The following MGAT4C variants were observed in gnomAD, a reference collection of about 807,000 sequenced individuals.
MGAT4C encodes MGAT4 family member C, also known as alpha-1,3-mannosyl-glycoprotein 4-beta-N-acetylglucosaminyltransferase C.
Under a neutral mutation model 40.1 loss-of-function variants are expected in MGAT4C, and 19 were observed. The ratio of observed to expected loss-of-function variants is 0.47; its 90% CI spans 0.33 to 0.70. The LOEUF (loss-of-function observed/expected upper bound fraction) is 0.70. Ranked by LOEUF, MGAT4C falls within the 30% of genes least tolerant of loss-of-function variation. The pLI is 0.02. For synonymous variants in MGAT4C, 181 were observed against 187.1 expected (o/e 0.97, Z 0.27); for missense variants, 491 against 563.2 (o/e 0.87, Z 1.30).
At chr12:86,628,355 T>C (rs1459776691) in intron 2 of MGAT4C, among the ~76,000 whole-genome samples, 1 of 152,070 alleles carries the variant, frequency 6.6e-6, no homozygotes, top group Non-Finnish European at 1.5e-5. Context: ...TTCCCCAACC[T>C]AGCAAGTCAG....
At chr12:86,585,725 A>AT (rs113824217) in intron 2 of MGAT4C, among the ~76,000 whole-genome samples, 113,696 of 141,690 alleles carry the variant, frequency 0.8, 46,480 homozygotes, top group South Asian at 0.94. Context: ...TCCATGTTTT[A>AT]TTTTTTTTAA....
At chr12:86,128,609 A>G (rs1009604551) in intron 1 of MGAT4C, among the ~76,000 whole-genome samples, 2 of 152,182 alleles carry the variant, frequency 1.3e-5, no homozygotes, top group East Asian at 1.9e-4. Context: ...AGGCATGACT[A>G]TATATATCAA....
At chr12:86,793,593 C>T (rs558845735) in intron 1 of MGAT4C, among the ~76,000 whole-genome samples, 81 of 152,120 alleles carry the variant, frequency 5.3e-4, no homozygotes, top group Middle Eastern at 3.4e-3. Context: ...CACATATACT[C>T]TCACGCTCAT....
At chr12:86,799,993 C>A (rs1952197555) in intron 1 of MGAT4C, among the ~76,000 whole-genome samples, 1 of 151,862 alleles carries the variant, frequency 6.6e-6, no homozygotes, top group Non-Finnish European at 1.5e-5. Context: ...AAAATGGGTG[C>A]TGAGTGACAC....
chr12:86,222,595 C>T (rs1950924420), intron 1 of MGAT4C, among the ~76,000 whole-genome samples: 1 of 152,272 alleles, frequency 6.6e-6, no homozygotes, highest in East Asian at 1.9e-4. Flanking sequence ...CGAATCTCAG[C>T]TAGCTCAAAG....
chr12:86,311,784 C>T (rs1169756944), intron 4 of MGAT4C, among the ~76,000 whole-genome samples: 1 of 152,216 alleles, frequency 6.6e-6, no homozygotes, highest in Non-Finnish European at 1.5e-5. Flanking sequence ...TGTCCTGCCT[C>T]CTTCTGACCT....
At position 86,707,535 on chromosome 12, in the gene MGAT4C, T is replaced by C. The variant is rs112361976; in HGVS notation, c.-229+19674A>G. Among the ~76,000 whole-genome samples, 61 of 151,822 alleles carry C rather than the reference T, an allele frequency of 4.0e-4. 1 individual carries two copies. Among genetic ancestry groups the C allele is most frequent in the African/African-American group, 1.4e-3 (60 of 41,440 alleles). The stretch of plus-strand genomic sequence containing the variant: ...CGGAGGAATTTTTCTTTTCTTTTTT[T>C]TTTTTTTTTAATTGAGGTGGAGTAT... On this transcript the variant is annotated intron_variant, in intron 2 of 7. Coordinates refer to the MGAT4C transcript ENST00000548651.
At chr12:86,376,198 G>C (rs1955818178) in intron 3 of MGAT4C, among the ~76,000 whole-genome samples, 1 of 133,884 alleles carries the variant, frequency 7.5e-6, no homozygotes, top group Non-Finnish European at 1.5e-5. Context: ...CAGCCTGAGA[G>C]ACATGGAGAT....
chr12:86,674,067 A>G (rs1456437799), intron 2 of MGAT4C, among the ~76,000 whole-genome samples: 1 of 152,070 alleles, frequency 6.6e-6, no homozygotes. Flanking sequence ...TAGCATCATA[A>G]AAAACCCAAA....
intron 2 of MGAT4C, among the ~76,000 whole-genome samples, chr12:86,558,636 G>T (rs1307354479): frequency 1.3e-5 from 2 of 151,906 alleles, no homozygotes; most frequent in Non-Finnish European, 2.9e-5. Context: ...AGTCCTATAG[G>T]AAATGCATAA....
intron 2 of MGAT4C, among the ~76,000 whole-genome samples, chr12:86,014,952 T>C (rs561404111): frequency 1.3e-4 from 19 of 151,388 alleles, no homozygotes; most frequent in Admixed American, 1.2e-3. Flanking sequence ...CGGCTAATTT[T>C]TCTTTATTTT....
intron 2 of MGAT4C, among the ~76,000 whole-genome samples, chr12:86,563,764 T>C (rs1013888102): frequency 6.6e-6 from 1 of 152,160 alleles, no homozygotes; most frequent in Non-Finnish European, 1.5e-5. Flanking sequence ...GTTATTGTGG[T>C]CCTCCAGTTA....
At chr12:86,311,189 C>A (rs1215339960) in intron 4 of MGAT4C, among the ~76,000 whole-genome samples, 1 of 152,142 alleles carries the variant, frequency 6.6e-6, no homozygotes, top group East Asian at 1.9e-4. Flanking sequence ...CCTACACAAA[C>A]CTAAATGGTG....
intron 1 of MGAT4C, among the ~76,000 whole-genome samples, chr12:86,111,534 A>G (rs1877411316): frequency 6.6e-6 from 1 of 151,826 alleles, no homozygotes; most frequent in Non-Finnish European, 1.5e-5. Context: ...TATTTTAGAG[A>G]AAGAGATTTT....
chr12:86,551,214 A>T (rs1304760557), intron 2 of MGAT4C, among the ~76,000 whole-genome samples: 1 of 152,132 alleles, frequency 6.6e-6, no homozygotes, highest in Non-Finnish European at 1.5e-5. Flanking sequence ...CAACCCTTTA[A>T]GGTTCCCCTG....
intron 2 of MGAT4C, among the ~76,000 whole-genome samples, chr12:86,473,190 C>A (rs574462904): frequency 1.3e-5 from 2 of 152,244 alleles, no homozygotes; most frequent in African/African-American, 4.8e-5. Context: ...CTCCTGACCT[C>A]AAGTGATCTG....
chr12:86,763,963 C>A lies in MGAT4C; in HGVS notation c.-261-36722G>T, dbSNP rs1009171624. On this transcript the variant is annotated intron_variant, in intron 1 of 7. Coordinates refer to the MGAT4C transcript ENST00000548651. ...CAGAAGACGGGTGATTTCTGCATTT[C>A]CATCTGAGGTACCGGGTTCATATCA... is the stretch of plus-strand genomic sequence containing the variant. Among the ~76,000 whole-genome samples the A allele has an allele frequency of 1.6e-4, 24 of 152,242 alleles. No individual in the cohort carries two copies. The East Asian group carries it at 4.7e-3, about 30-fold the overall frequency.
At chr12:86,488,252 C>CAAA (rs760174330) in intron 2 of MGAT4C, among the ~76,000 whole-genome samples, 2 of 93,966 alleles carry the variant, frequency 2.1e-5, no homozygotes, top group Admixed American at 1.1e-4. Flanking sequence ...TTGTTTTCTA[C>CAAA]AAAAAAAAAA....
At position 85,961,828 on chromosome 12, in the gene MGAT4C, T is replaced by C. The variant is rs536145310; in HGVS notation, c.*17461A>G. 59 of 152,028 alleles carry C rather than the reference T, an allele frequency of 3.9e-4. No homozygotes were observed. Among genetic ancestry groups the C allele is most frequent in the African/African-American group, 1.3e-3 (55 of 41,572 alleles). The allele number at this position is 152,028 out of a possible 1,614,324, so 9.4% of individuals were successfully genotyped here. A position where few individuals can be genotyped will look rare whatever the true frequency, so the allele number is the denominator to read the frequency against. On this transcript the variant is annotated 3_prime_UTR_variant, in exon 5 of 5. Coordinates refer to ENST00000611864, the MANE Select transcript of MGAT4C (RefSeq NM_001351288.2). ...GAGGCTTGGATTGGCAGCTATTAAA[T>C]ACAATTTGAAGCCGTGGGATTTTAT...
Sources: allele counts gnomAD v4.1 joint callset (sites outside exome capture counted in the v4.1 genomes callset), GRCh38; gene constraint gnomAD v4.1.1; transcripts MANE v1.5; gene names NCBI Gene and HGNC (gene_info 2026-07-23, HGNC 2026-07-21).